XPO7: variants seen among roughly 807,000 people sequenced by gnomAD.
The protein encoded by XPO7 is exportin 7, also known as exportin-7.
Under a neutral mutation model 144.3 loss-of-function variants are expected in XPO7, and 21 were observed. The observed-to-expected ratio is 0.15, with a 90% CI of 0.10 to 0.21. XPO7 has a LOEUF of 0.21. Ranked by LOEUF, XPO7 falls within the 10% of genes least tolerant of loss-of-function variation. The probability of loss-of-function intolerance (pLI) is 1.00; values close to 1 mark genes in which losing one functional copy is unlikely to be tolerated. For synonymous variants in XPO7, 580 were observed against 499.6 expected (o/e 1.16, Z -2.15); for missense variants, 808 against 1,325.8 (o/e 0.61, Z 6.06).
At chr8:21,952,647 A>G (rs1811408690) in intron 1 of XPO7, among the ~76,000 whole-genome samples, 1 of 152,218 alleles carries the variant, frequency 6.6e-6, no homozygotes, top group Admixed American at 6.5e-5. Flanking sequence ...TTTATACCAG[A>G]TAAGTACAGT....
chr8:21,974,909 G>C, intron 6 of XPO7, 135 bp downstream of exon 6: 2 of 701,252 alleles, frequency 2.9e-6, no homozygotes, highest in Non-Finnish European at 4.5e-6. Context: ...TCTTATATAA[G>C]ACTCATAGAG....
At chr8:21,990,275 A>G (rs1328308152) in intron 16 of XPO7, 69 bp from the exon 17 acceptor site, 3 of 1,510,042 alleles carry the variant, frequency 2.0e-6, no homozygotes, top group African/African-American at 1.4e-5. Context: ...TTTATTCTGG[A>G]AAGTTTCCAT....
chr8:21,950,354 G>A (rs1418113754), intron 1 of XPO7, among the ~76,000 whole-genome samples: 1 of 152,182 alleles, frequency 6.6e-6, no homozygotes. Flanking sequence ...ATTAGCTTTA[G>A]TGCCATTCAT....
chr8:21,971,053 T>C (rs1437867602), intron 4 of XPO7, among the ~76,000 whole-genome samples: 1 of 152,200 alleles, frequency 6.6e-6, no homozygotes, highest in Non-Finnish European at 1.5e-5. Flanking sequence ...AAATCTTTTA[T>C]GCTGAATTTT....
chr8:21,958,633 A>G (rs928986939), intron 1 of XPO7, among the ~76,000 whole-genome samples: 9 of 150,772 alleles, frequency 6.0e-5, no homozygotes, highest in Admixed American at 4.0e-4. Flanking sequence ...CCCGTAAAGG[A>G]CCTTACAGTT....
rs138047402 is a variant in XPO7, at chr8:21,921,117, G to A, written c.18+1329G>A. Among the ~76,000 whole-genome samples, 356 of 152,292 alleles carry A rather than the reference G, an allele frequency of 2.3e-3. 1 individual carries two copies. The highest frequency in any genetic ancestry group is 1.7e-3 in the Non-Finnish European group (117 of 68,024). Reference sequence around the variant, plus strand: ...CAGTACCTTGGCTTAATTCAGAAGTGACAGTAAAAGTTGATACAAGGAGAT... The same window carrying A: ...CAGTACCTTGGCTTAATTCAGAAGTAACAGTAAAAGTTGATACAAGGAGAT... On this transcript the variant is annotated intron_variant, in intron 1 of 27. Transcript: ENST00000252512.
At position 21,987,794 on chromosome 8, in the gene XPO7, G is replaced by A; in HGVS notation, c.1724G>A (p.Arg575Gln). The change falls in exon 15 of 28, where the codon CGA becomes CAA. Residue 575 changes from arginine (R) to glutamine (Q), a missense_variant. Coordinates refer to ENST00000252512, the MANE Select transcript of XPO7 (RefSeq NM_015024.5). The part of the protein sequence containing the change: ...QVQKSSKLYR[R>Q]LSEVLGLNDE... ...TCTTCTTAACACCAGCTGTACCGCC[G>A]ACTCTCAGAAGTTCTGGGCTTGAAT... 3 of 1,613,792 alleles carry A rather than the reference G, an allele frequency of 1.9e-6. No individual in the cohort carries two copies. Among genetic ancestry groups the A allele is most frequent in the South Asian group, 1.1e-5 (1 of 91,042 alleles).
At chr8:21,945,570 G>A (rs913728004) in intron 1 of XPO7, among the ~76,000 whole-genome samples, 1 of 152,192 alleles carries the variant, frequency 6.6e-6, no homozygotes, top group Admixed American at 6.5e-5. Context: ...GGCATGGTAC[G>A]TTATCTGAAA....
In XPO7 at chr8:21,998,758, C is replaced by T; in HGVS notation, c.2349C>T (p.Ser783=). ...KLMAELVHNR[S]QRLQFDVSSP... is the part of the protein sequence containing the mutation. ...TCCTCCTGTGCTCTCTGCTCAGGTC[C>T]CAGCGACTCCAGTTTGATGTCTCTT... The change falls in exon 22 of 28, where the codon TCC becomes TCT. Residue 783 remains serine, a synonymous_variant. Coordinates refer to ENST00000252512, the MANE Select transcript of XPO7 (RefSeq NM_015024.5). 4 of 1,613,896 alleles carry T rather than the reference C, an allele frequency of 2.5e-6. No homozygotes were observed. The highest frequency in any genetic ancestry group is 3.4e-6 in the Non-Finnish European group (4 of 1,179,872).
At chr8:21,981,285 GCTAA>G (rs1279940283) in intron 9 of XPO7, among the ~76,000 whole-genome samples, 3 of 152,196 alleles carry the variant, frequency 2.0e-5, no homozygotes, top group East Asian at 3.8e-4. Flanking sequence ...GTATAACTTT[GCTAA>G]CTATCGGTTA....
intron 7 of XPO7, 36 bp downstream of exon 7, chr8:21,976,557 C>A: frequency 1.3e-6 from 2 of 1,592,060 alleles, no homozygotes; most frequent in South Asian, 1.1e-5. Flanking sequence ...GGCTGTCTGT[C>A]ACTCCCCTAC....
chr8:21,987,054 A>G, intron 13 of XPO7, 87 bp from the exon 14 acceptor site: 1 of 1,579,366 alleles, frequency 6.3e-7, no homozygotes, highest in East Asian at 2.2e-5. Context: ...AAGTACAGGC[A>G]TATACGACCA....
chr8:21,966,809 C>T (rs1811900052), intron 1 of XPO7, 48 bp from the exon 2 acceptor site: 1 of 1,562,000 alleles, frequency 6.4e-7, no homozygotes, highest in Admixed American at 2.0e-5. Context: ...CAGTTGCTTA[C>T]ATTTGTAGTA....
intron 1 of XPO7, among the ~76,000 whole-genome samples, chr8:21,957,242 G>A (rs1364485937): frequency 6.6e-6 from 1 of 152,142 alleles, no homozygotes; most frequent in Non-Finnish European, 1.5e-5. Context: ...AGCTTCAGAT[G>A]TGCTTTTGAC....
Position 21,974,731 on chromosome 8 carries a change from C to G in XPO7, c.554C>G (p.Ser185Ter). The G allele has an allele frequency of 6.3e-7, 1 of 1,588,352 alleles. No homozygotes were observed. Among genetic ancestry groups the G allele is most frequent in the South Asian group, 1.2e-5 (1 of 86,658 alleles). The change falls in exon 6 of 28, where the codon TCA becomes TGA. Residue 185 changes from serine to a stop codon, truncating the protein, a stop_gained. Transcript: ENST00000252512. LOFTEE classifies it high-confidence loss of function. ...RKIASSFRDS[S>*]LFDIFTLSCN... ...ATAGCCTCTTCTTTTCGCGATTCAT[C>G]ATTATTTGATATCTTCACACTTTCC...
At chr8:21,975,259 C>T (rs938663765) in intron 6 of XPO7, among the ~76,000 whole-genome samples, 3 of 152,238 alleles carry the variant, frequency 2.0e-5, no homozygotes, top group Non-Finnish European at 2.9e-5. Flanking sequence ...AAACAAGTAA[C>T]ATCTGTAAGG....
intron 1 of XPO7, among the ~76,000 whole-genome samples, chr8:21,927,728 A>G (rs1810506251): frequency 1.3e-5 from 2 of 151,994 alleles, no homozygotes; most frequent in South Asian, 2.1e-4. Context: ...TATTTTTAGT[A>G]GAGACGGAGT....
At chr8:21,998,035 G>A (rs1813010153) in intron 21 of XPO7, among the ~76,000 whole-genome samples, 1 of 152,214 alleles carries the variant, frequency 6.6e-6, no homozygotes, top group South Asian at 2.1e-4. Flanking sequence ...CATATAAAAT[G>A]GTAACAATGC....
chr8:21,948,094 G>T (rs1451731517), intron 1 of XPO7, among the ~76,000 whole-genome samples: 3 of 152,170 alleles, frequency 2.0e-5, no homozygotes, highest in South Asian at 2.1e-4. Context: ...TACCAAATTT[G>T]TAATACCTCT....
Sources: allele counts gnomAD v4.1 joint callset (sites outside exome capture counted in the v4.1 genomes callset), GRCh38; gene constraint gnomAD v4.1.1; transcripts MANE v1.5; gene names NCBI Gene and HGNC (gene_info 2026-07-23, HGNC 2026-07-21).